Variants in ADGRG1 observed in about 807,000 individuals in gnomAD.
The protein encoded by ADGRG1 is 7-transmembrane protein with no EGF-like N-terminal domains-1.
ADGRG1 carries 53 observed loss-of-function variants against 73.5 expected under a neutral mutation model. The ratio of observed to expected loss-of-function variants is 0.72; its 90% confidence interval spans 0.58 to 0.91. The LOEUF is 0.91. Ranked by LOEUF, ADGRG1 falls within the 40% of genes least tolerant of loss-of-function variation. The probability of loss-of-function intolerance (pLI) is 0.00; values close to 1 mark genes in which losing one functional copy is unlikely to be tolerated. For synonymous variants in ADGRG1, 394 were observed against 374.4 expected, an observed-to-expected ratio of 1.05 and a Z score of -0.60; for missense variants, 795 against 871.8, an observed-to-expected ratio of 0.91 and a Z score of 1.11.
chr16:57,646,276 T>C (rs2042613857), intron 1 of ADGRG1: 2 of 592,072 alleles, frequency 3.4e-6, no homozygotes, highest in African/African-American at 2.1e-5. Context: ...AAGCGAGCCG[T>C]GGGTCCCCAC....
Position 57,656,216 on chromosome 16 carries a change from G to C in ADGRG1, c.1018-10G>C, listed in dbSNP as rs555376912. ...GTCACAGAAACCACTCTCCTTTCTT[G>C]TCCCTACAGAAGAATGTGACTCTGC... On this transcript the variant is annotated splice_polypyrimidine_tract_variant and intron_variant, in intron 7 of 13. Transcript: ENST00000562631. The C allele has an allele frequency of 2.5e-6, 4 of 1,613,834 alleles. No homozygotes were observed. The highest frequency in any genetic ancestry group is 3.4e-6 in the Non-Finnish European group (4 of 1,179,852).
intron 1 of ADGRG1, among the ~76,000 whole-genome samples, chr16:57,644,648 ACG>A (rs2041935153): frequency 1.4e-5 from 2 of 138,782 alleles, no homozygotes; most frequent in African/African-American, 5.5e-5. Flanking sequence ...ATGCATGGGC[ACG>A]CACACTCATC....
chr16:57,624,806 C>A (rs2035524568), upstream of ADGRG1: 2 of 630,814 alleles, frequency 3.2e-6, no homozygotes, highest in Non-Finnish European at 2.0e-6. Context: ...CTCCTCTCTA[C>A]CTCCTTTGCA....
At chr16:57,630,595 G>T (rs924039653) in intron 1 of ADGRG1, 2 of 912,692 alleles carry the variant, frequency 2.2e-6, no homozygotes, top group African/African-American at 3.6e-5. Flanking sequence ...GCTGTGTCCC[G>T]GCCTGGGCCA....
At position 57,661,847 on chromosome 16, in the gene ADGRG1, A is replaced by G. The variant is rs2148606829; in HGVS notation, c.1815A>G (p.Thr605=). ...PHTQKWSHVL[T]LLGLSLVLGL... ...CCCAAAAGTGGTCACATGTGCTGAC[A>G]CTGCTGGGCCTCAGCCTGGTCCTTG... The change falls in exon 13 of 14, where the codon ACA becomes ACG. Residue 605 remains threonine (T), a synonymous_variant. Transcript: ENST00000562631. 6.2e-7 allele frequency: 1 copy of G among 1,614,218 alleles called. No homozygotes were observed. Among genetic ancestry groups the G allele is most frequent in the Non-Finnish European group, 8.5e-7 (1 of 1,180,010 alleles).
At chr16:57,645,059 AC>A (rs2042237560) in intron 1 of ADGRG1, 1 of 984,712 alleles carries the variant, frequency 1.0e-6, no homozygotes. Flanking sequence ...ACACTCATGC[AC>A]ACGCACACAC....
chr16:57,635,984 T>C (rs1380537177), intron 1 of ADGRG1: 4 of 985,256 alleles, frequency 4.1e-6, no homozygotes, highest in Admixed American at 6.1e-5. Context: ...CTCGTGAGTC[T>C]CTGCAGACTA....
intron 5 of ADGRG1, among the ~76,000 whole-genome samples, chr16:57,654,703 A>C (rs2148380306): frequency 6.6e-6 from 1 of 152,158 alleles, no homozygotes; most frequent in Non-Finnish European, 1.5e-5. Flanking sequence ...AACATGGTGA[A>C]ACCCTGTCTC....
Position 57,661,879 on chromosome 16 carries a change from C to T in ADGRG1, c.1847C>T (p.Pro616Leu), listed in dbSNP as rs767478844. 1 of 1,614,230 alleles carries T rather than the reference C, an allele frequency of 6.2e-7. No individual in the cohort carries two copies. The highest frequency in any genetic ancestry group is 8.5e-7 in the Non-Finnish European group (1 of 1,180,032). ...GGCCTCAGCCTGGTCCTTGGCCTGCCCTGGGCCTTGATCTTCTTCTCCTTT... is the reference window on the plus strand; with the variant it reads ...GGCCTCAGCCTGGTCCTTGGCCTGCTCTGGGCCTTGATCTTCTTCTCCTTT... Reference protein sequence around the residue: ...LLGLSLVLGLPWALIFFSFAS... With the variant: ...LLGLSLVLGLLWALIFFSFAS... The change falls in exon 13 of 14, where the codon CCC becomes CTC. Residue 616 changes from proline to leucine, a missense_variant. Transcript: ENST00000562631.
chr16:57,646,381 A>T, intron 1 of ADGRG1: 1 of 982,706 alleles, frequency 1.0e-6, no homozygotes, highest in African/African-American at 1.7e-5. Context: ...TGGGGGTCTC[A>T]GCTCAGACAA....
At chr16:57,637,817 A>G (rs2039745274) in intron 1 of ADGRG1, 1 of 513,406 alleles carries the variant, frequency 1.9e-6, no homozygotes, top group African/African-American at 2.1e-5. Flanking sequence ...CTCTGCCAGA[A>G]ATCATCCCAA....
At chr16:57,651,678 G>T in intron 3 of ADGRG1, 56 bp downstream of exon 3, 1 of 1,565,322 alleles carries the variant, frequency 6.4e-7, no homozygotes, top group South Asian at 1.1e-5. Context: ...AGGCAGGGAA[G>T]GCAAAATGCA....
At chr16:57,639,704 C>T (rs900860563) in intron 1 of ADGRG1, 10 of 969,682 alleles carry the variant, frequency 1.0e-5, no homozygotes, top group South Asian at 9.5e-5. Flanking sequence ...CCCTCCTCCC[C>T]GTCCCTTTCA....
In ADGRG1 at chr16:57,663,889, C is replaced by T. The variant is rs1222824389; in HGVS notation, c.*307C>T. ...GAGGCCTGGTCTCTCCTTACAACCCCTGGGCCCAGCCCTCATTGCTGGGGG... is the reference window on the plus strand; with the variant it reads ...GAGGCCTGGTCTCTCCTTACAACCCTTGGGCCCAGCCCTCATTGCTGGGGG... On this transcript the variant is annotated 3_prime_UTR_variant, in exon 14 of 14. Transcript: ENST00000562631. The T allele has an allele frequency of 6.3e-6, 3 of 473,864 alleles. No individual in the cohort carries two copies. Among genetic ancestry groups the T allele is most frequent in the African/African-American group, 3.9e-5 (2 of 51,018 alleles). 29.4% of individuals were successfully genotyped at this position (473,864 alleles called of 1,614,324 possible).
intron 1 of ADGRG1, chr16:57,648,700 C>A (rs62036132): frequency 7.1e-6 from 7 of 984,470 alleles, no homozygotes; most frequent in South Asian, 4.7e-5. Context: ...GGCTTGTGGC[C>A]GATGACTGCC....
At chr16:57,652,092 A>G in intron 3 of ADGRG1, 1 of 1,040,132 alleles carries the variant, frequency 9.6e-7, no homozygotes, top group Non-Finnish European at 1.2e-6. Flanking sequence ...AGCCAATGGG[A>G]GAGCCAGGAT....
At chr16:57,626,264 T>C (rs555894579), upstream of ADGRG1, among the ~76,000 whole-genome samples, 1 of 152,260 alleles carries the variant, frequency 6.6e-6, no homozygotes, top group South Asian at 2.1e-4. Context: ...AAAATGAGAA[T>C]GATCTGTACA....
intron 1 of ADGRG1, chr16:57,633,568 T>C: frequency 2.1e-6 from 2 of 946,748 alleles, no homozygotes; most frequent in Non-Finnish European, 2.5e-6. Flanking sequence ...TGGGGCTGCC[T>C]GATTCTGTCC....
At position 57,661,906 on chromosome 16, in the gene ADGRG1, C is replaced by T. The variant is rs755050394; in HGVS notation, c.1874C>T (p.Ala625Val). ...LPWALIFFSF[A>V]SGTFQLVVLY... Reference sequence around the variant, plus strand: ...TGGGCCTTGATCTTCTTCTCCTTTGCTTCTGGCACCTTCCAGCTTGTCGTC... The same window carrying T: ...TGGGCCTTGATCTTCTTCTCCTTTGTTTCTGGCACCTTCCAGCTTGTCGTC... The change falls in exon 13 of 14, where the codon GCT becomes GTT. Residue 625 changes from alanine (A) to valine (V), a missense_variant. Coordinates refer to ENST00000562631, the MANE Select transcript of ADGRG1 (RefSeq NM_201525.4). The T allele has an allele frequency of 1.8e-5, 29 of 1,614,260 alleles. No individual in the cohort carries two copies. In the Middle Eastern group the frequency reaches 4.9e-4, roughly 28 times the overall value.
Sources: gnomAD v4.1 joint callset for allele counts (sites outside exome capture counted in the v4.1 genomes callset) on GRCh38, gnomAD v4.1.1 for gene constraint, MANE v1.5 for transcripts, NCBI Gene and HGNC (gene_info 2026-07-23, HGNC 2026-07-21) for gene names.